The following COL4A4 variants were observed in gnomAD, a reference collection of about 807,000 sequenced individuals.
COL4A4 encodes collagen type IV alpha 4 chain.
COL4A4 carries 105 observed loss-of-function variants against 192.9 expected under a neutral mutation model. The observed-to-expected ratio is 0.54, with a 90% CI of 0.46 to 0.64. The LOEUF is 0.64. COL4A4 is among the 30% of genes least tolerant of loss of function. The pLI is 0.00. For synonymous variants in COL4A4, 762 were observed against 769.9 expected, an observed-to-expected ratio of 0.99 and a Z score of 0.17; for missense variants, 1,967 against 2,169.3, an observed-to-expected ratio of 0.91 and a Z score of 1.85.
In COL4A4 at chr2:227,108,563, G is replaced by A; in HGVS notation, c.735+18C>T. ...CACACGTCACCATCTGCTCCTCAGA[G>A]CAAGAGGGAATTCTTACCGGGTCTC... On this transcript the variant is annotated intron_variant, in intron 12 of 47. Transcript: ENST00000396625. 6.2e-7 allele frequency: 1 copy of A among 1,612,578 alleles called. No homozygotes were observed. The highest frequency in any genetic ancestry group is 2.2e-5 in the East Asian group (1 of 44,880).
At chr2:227,128,055 T>C (rs971625815) in intron 4 of COL4A4, among the ~76,000 whole-genome samples, 1 of 152,224 alleles carries the variant, frequency 6.6e-6, no homozygotes, top group Non-Finnish European at 1.5e-5. Context: ...CCTTACCTTA[T>C]TTAATGCAAC....
the COL4A4 span, among the ~76,000 whole-genome samples, chr2:226,969,998 C>CA: frequency 8.1e-6 from 1 of 123,020 alleles, no homozygotes; most frequent in Non-Finnish European, 1.6e-5. Context: ...GTCCCCCCCC[C>CA]CTTAATTTTT....
At chr2:226,968,426 A>G in the COL4A4 span, among the ~76,000 whole-genome samples, 2 of 151,918 alleles carry the variant, frequency 1.3e-5, no homozygotes, top group African/African-American at 4.9e-5. Context: ...TCTTCAGGGA[A>G]GTTTCAGCTC....
chr2:226,988,731 T>G, the COL4A4 span: 4 of 923,170 alleles, frequency 4.3e-6, no homozygotes, highest in South Asian at 2.0e-4. Context: ...TATAGATATA[T>G]TAAGAGATAG....
chr2:227,082,177 C>T lies in COL4A4; in HGVS notation c.1634G>A (p.Gly545Asp). 6.2e-7 allele frequency: 1 copy of T among 1,613,962 alleles called. No homozygotes were observed. The highest frequency in any genetic ancestry group is 8.5e-7 in the Non-Finnish European group (1 of 1,179,852). Residue 545 changes from glycine (G) to aspartate (D), a missense_variant, in exon 23 of 48, where the codon GGT becomes GAT. By Grantham distance (94) the Gly-to-Asp change is moderately conservative. Transcript: ENST00000396625. ...EGPPGLPGKH[G>D]ASGPPGNKGA... is the part of the protein sequence containing the mutation. ...TTTGTTGCCAGGTGGTCCAGAGGCA[C>T]CATGCTTTCCCTTGGTGAAAAATAA...
chr2:227,085,628 A>C (rs912051644), intron 22 of COL4A4, among the ~76,000 whole-genome samples: 1 of 152,142 alleles, frequency 6.6e-6, no homozygotes, highest in Non-Finnish European at 1.5e-5. Flanking sequence ...TCACATGGTG[A>C]GAGAGGGAGC....
chr2:227,093,463 G>T (rs2060042687), intron 20 of COL4A4, among the ~76,000 whole-genome samples: 2 of 151,884 alleles, frequency 1.3e-5, no homozygotes, highest in South Asian at 4.2e-4. Flanking sequence ...GGCCTTTTGA[G>T]ATGTCTTTTC....
chr2:227,046,305 C>T (rs73091478), intron 35 of COL4A4, among the ~76,000 whole-genome samples: 3,458 of 150,252 alleles, frequency 0.023, 155 homozygotes, highest in African/African-American at 0.081. Flanking sequence ...TGAAATGAAA[C>T]ACAGCTATTG....
At chr2:227,047,318 G>A (rs560042689) in intron 35 of COL4A4, among the ~76,000 whole-genome samples, 157 bp downstream of exon 35, 1 of 152,074 alleles carries the variant, frequency 6.6e-6, no homozygotes, top group African/African-American at 2.4e-5. Context: ...GGCAAGAAAT[G>A]CTATGGAAGT....
chr2:227,117,473 G>A (rs61672671), intron 7 of COL4A4, among the ~76,000 whole-genome samples: 5,249 of 152,276 alleles, frequency 0.034, 292 homozygotes, highest in African/African-American at 0.12. Context: ...GAAGAAAAAT[G>A]TGAGTATGGA....
chr2:227,057,642 CT>C (rs1559516083), intron 28 of COL4A4, 42 bp from the exon 29 acceptor site: 1 of 1,598,666 alleles, frequency 6.3e-7, no homozygotes, highest in African/African-American at 1.3e-5. Flanking sequence ...TGACAAAAAA[CT>C]ATACAGATGG....
Position 227,089,878 on chromosome 2 carries a change from T to G in COL4A4, c.1449A>C (p.Lys483Asn). 6.2e-7 allele frequency: 1 copy of G among 1,613,400 alleles called. No individual in the cohort carries two copies. The highest frequency in any genetic ancestry group is 8.5e-7 in the Non-Finnish European group (1 of 1,179,522). ...TTGGTGCCTACTTGCCTTTTTCTCC[T>G]TTTGGGCCTCTTCCTCCTGGGGGAC... ...KVGPPGGRGPKGEKGNEGLCA... is the reference protein window; with the variant it reads ...KVGPPGGRGPNGEKGNEGLCA... Residue 483 changes from lysine to asparagine, a missense_variant, in exon 21 of 48, where the codon AAA (lysine) becomes AAC (asparagine). Transcript: ENST00000396625.
intron 44 of COL4A4, among the ~76,000 whole-genome samples, chr2:227,019,943 A>G (rs1965671038): frequency 6.6e-6 from 1 of 152,258 alleles, no homozygotes; most frequent in South Asian, 2.1e-4. Flanking sequence ...CTGGGATTAC[A>G]GGCGTGAGCC....
At chr2:227,001,100 C>CTT (rs1193019703), downstream of COL4A4, among the ~76,000 whole-genome samples, 79 of 144,344 alleles carry the variant, frequency 5.5e-4, no homozygotes, top group Middle Eastern at 3.5e-3. Flanking sequence ...TTTCTTTTTT[C>CTT]TTTTTTTTTT....
chr2:227,109,517 G>C (rs544929948), intron 9 of COL4A4: 3 of 678,056 alleles, frequency 4.4e-6, no homozygotes, highest in South Asian at 3.0e-5. Context: ...GAAAGGCCAA[G>C]TGGGGCAGAT....
the COL4A4 span, chr2:226,995,991 C>G: frequency 1.3e-5 from 2 of 158,550 alleles, no homozygotes; most frequent in African/African-American, 4.8e-5. Context: ...CAGGATGTGG[C>G]TGCCTTGGCC....
intron 25 of COL4A4, among the ~76,000 whole-genome samples, chr2:227,069,373 A>C (rs1219311839): frequency 2.0e-5 from 3 of 152,346 alleles, no homozygotes; most frequent in East Asian, 3.9e-4. Context: ...AACTACTTTA[A>C]AGTTCATATG....
At position 227,003,781 on chromosome 2, in the gene COL4A4, T is replaced by A. The variant is rs915233812; in HGVS notation, c.*3544A>T. 6.6e-6 allele frequency: 1 copy of A among 151,906 alleles called. No homozygotes were observed. The highest frequency in any genetic ancestry group is 1.5e-5 in the Non-Finnish European group (1 of 67,970). The allele number at this position is 151,906 out of a possible 1,614,324, so 9.4% of individuals were successfully genotyped here. On this transcript the variant is annotated 3_prime_UTR_variant, in exon 48 of 48. Transcript: ENST00000396625. ...AGTCATGTCACATTTTACTGAAGGGTCTTCTCAGTCGGATCTCTCAAATCT... is the reference window on the plus strand; with the variant it reads ...AGTCATGTCACATTTTACTGAAGGGACTTCTCAGTCGGATCTCTCAAATCT...
At position 227,006,758 on chromosome 2, in the gene COL4A4, ATT is replaced by A. The variant is rs11314253; in HGVS notation, c.*565_*566del. 1.1e-3 allele frequency: 167 copies of A among 153,284 alleles called. No homozygotes were observed. Among genetic ancestry groups the A allele is most frequent in the South Asian group, 1.6e-3 (8 of 5,040 alleles). 9.5% of individuals were successfully genotyped at this position (153,284 alleles called of 1,614,324 possible). A position where few individuals can be genotyped will look rare whatever the true frequency, so the allele number is the denominator to read the frequency against. The stretch of plus-strand genomic sequence containing the variant: ...GGAACTGTTAACGCTGGCAGTGTGA[ATT>A]TTTTTTTTTCTTCTTTAAAAAAAAA... On this transcript the variant is annotated 3_prime_UTR_variant, in exon 48 of 48. Transcript: ENST00000396625.
Sources: gnomAD v4.1 joint callset for allele counts (sites outside exome capture counted in the v4.1 genomes callset) on GRCh38, gnomAD v4.1.1 for gene constraint, MANE v1.5 for transcripts, NCBI Gene and HGNC (gene_info 2026-07-23, HGNC 2026-07-21) for gene names.